DMD: variants seen among roughly 807,000 people sequenced by gnomAD.
DMD encodes the protein mutant dystrophin.
DMD carries 63 observed loss-of-function variants against 330.1 expected under a neutral mutation model. That is an observed-to-expected ratio of 0.19 (90% CI 0.16 to 0.24). The LOEUF (loss-of-function observed/expected upper bound fraction) is 0.24. Ranked by LOEUF, DMD falls within the 10% of genes least tolerant of loss-of-function variation. The probability of loss-of-function intolerance (pLI) is 1.00; values close to 1 mark genes in which losing one functional copy is unlikely to be tolerated. For synonymous variants in DMD, 1,223 were observed against 959.8 expected (o/e 1.27, Z -5.07); for missense variants, 3,344 against 2,684.1 (o/e 1.25, Z -5.43).
intron 11 of DMD, among the ~76,000 whole-genome samples, chrX:32,618,447 T>G (rs992663757): frequency 9.0e-6 from 1 of 111,114 alleles, no homozygotes; most frequent in East Asian, 2.8e-4. Flanking sequence ...CACTTATAAG[T>G]GGGAGCTAAA....
At chrX:33,076,258 C>G (rs1286613185) in intron 1 of DMD, among the ~76,000 whole-genome samples, 1 of 111,486 alleles carries the variant, frequency 9.0e-6, no homozygotes, top group Non-Finnish European at 1.9e-5. Flanking sequence ...AAACCCTGGT[C>G]CCCAAATGCT....
intron 7 of DMD, among the ~76,000 whole-genome samples, chrX:32,739,217 T>G (rs764393935): frequency 8.9e-6 from 1 of 111,993 alleles, no homozygotes; most frequent in South Asian, 3.7e-4. Context: ...AAGGTTAGTT[T>G]TGACCCAGGC....
At chrX:32,181,970 A>G (rs1044687181) in intron 44 of DMD, among the ~76,000 whole-genome samples, 4 of 112,231 alleles carry the variant, frequency 3.6e-5, no homozygotes, top group Non-Finnish European at 1.9e-5. Flanking sequence ...TAAATTGGGA[A>G]TTAAGTTGCA....
intron 44 of DMD, among the ~76,000 whole-genome samples, chrX:32,042,180 T>C (rs1342082123): frequency 2.2e-5 from 1 of 44,992 alleles, no homozygotes; most frequent in Non-Finnish European, 4.2e-5. Context: ...TATACATATA[T>C]ACATACATAT....
At chrX:33,315,925 A>G (rs1004304558) in intron 1 of DMD, among the ~76,000 whole-genome samples, 3 of 111,229 alleles carry the variant, frequency 2.7e-5, no homozygotes, top group Non-Finnish European at 5.7e-5. Context: ...TATTGTCAAA[A>G]AAGCTTGGAA....
rs3083093 is a variant in DMD at position 32,948,113 on chromosome X, G to GACACACACACACACACACAC, written c.93+72006_93+72025dup. 8.3e-4 allele frequency among the ~76,000 whole-genome samples: 80 copies of GACACACACACACACACACAC among 95,975 alleles called. 2 individuals carry two copies. In the East Asian group the frequency reaches 0.013, roughly 16 times the overall value. The allele number at this position is 95,975 out of a possible 115,157, so 83.3% of individuals were successfully genotyped here. A position where few individuals can be genotyped will look rare whatever the true frequency, so the allele number is the denominator to read the frequency against. On this transcript the variant is annotated intron_variant, in intron 2 of 78. Transcript: ENST00000357033. The stretch of plus-strand genomic sequence containing the variant: ...CTCAAAATTGACAGTGAGAGAAACA[G>GACACACACACACACACACAC]ACACACACACACACACACACACACA...
intron 41 of DMD, among the ~76,000 whole-genome samples, chrX:32,320,123 T>G (rs2097604627): frequency 9.0e-6 from 1 of 111,212 alleles, no homozygotes; most frequent in Admixed American, 9.7e-5. Context: ...ATATCGCTTT[T>G]AACTTCTGTT....
chrX:31,529,336 G>A (rs1048061067), intron 55 of DMD, among the ~76,000 whole-genome samples: 55 of 110,935 alleles, frequency 5.0e-4, no homozygotes, highest in Admixed American at 2.1e-3. Flanking sequence ...AGTGAGCTAT[G>A]ATCATGCCAC....
chrX:32,433,058 C>A (rs1292031901), intron 29 of DMD, among the ~76,000 whole-genome samples: 1 of 112,304 alleles, frequency 8.9e-6, no homozygotes, highest in Non-Finnish European at 1.9e-5. Context: ...AATCACTCAT[C>A]AAGAGAAGTG....
intron 52 of DMD, among the ~76,000 whole-genome samples, chrX:31,721,668 ATCTCTCTCTCTCTCTCACTCTCTCTC>A (rs1359617695): frequency 9.2e-5 from 3 of 32,493 alleles, no homozygotes; most frequent in African/African-American, 2.0e-4. Context: ...ATTATTACCA[ATCTCTCTCTCTCTCTCACTCTCTCTC>A]TCTCTCTCTC....
intron 62 of DMD, among the ~76,000 whole-genome samples, chrX:31,284,569 C>CTTTCTTCT (rs1464472281): frequency 3.2e-5 from 2 of 61,720 alleles, no homozygotes; most frequent in African/African-American, 1.3e-4. Context: ...TCTTCTTCTT[C>CTTTCTTCT]TTCTTCTTCT....
intron 1 of DMD, among the ~76,000 whole-genome samples, chrX:33,120,878 CAAAAAAAAAAAAAAA>C (rs1171070469): frequency 2.5e-4 from 9 of 36,699 alleles, no homozygotes; most frequent in Non-Finnish European, 3.8e-4. Context: ...ATGACTCTCT[CAAAAAAAAAAAAAAA>C]AAAAAAAAAA....
intron 44 of DMD, among the ~76,000 whole-genome samples, chrX:32,175,860 G>A (rs1315811739): frequency 8.9e-6 from 1 of 111,864 alleles, no homozygotes; most frequent in Admixed American, 9.5e-5. Context: ...CATTACTACG[G>A]AGGGAGGTGA....
At chrX:31,321,711 G>A (rs1294487370) in intron 62 of DMD, among the ~76,000 whole-genome samples, 1 of 108,974 alleles carries the variant, frequency 9.2e-6, no homozygotes, top group African/African-American at 3.3e-5. Flanking sequence ...TAAAATTGAA[G>A]TTTTCTTATT....
intron 2 of DMD, among the ~76,000 whole-genome samples, chrX:32,860,071 G>A (rs186339842): frequency 3.6e-5 from 4 of 111,967 alleles, no homozygotes; most frequent in East Asian, 5.6e-4. Context: ...AAACGAGACA[G>A]TATTCCTTCC....
At chrX:31,200,157 G>T (rs1292590933) in intron 67 of DMD, among the ~76,000 whole-genome samples, 1 of 112,228 alleles carries the variant, frequency 8.9e-6, no homozygotes, top group Non-Finnish European at 1.9e-5. Flanking sequence ...ACTAGCATCT[G>T]ATTAGAAATA....
intron 7 of DMD, among the ~76,000 whole-genome samples, chrX:32,720,519 C>G (rs1389397725): frequency 8.9e-6 from 1 of 111,830 alleles, no homozygotes; most frequent in African/African-American, 3.2e-5. Context: ...TTAGAAACTA[C>G]TTAAATAGGT....
At chrX:32,044,239 A>G (rs1327180100) in intron 44 of DMD, among the ~76,000 whole-genome samples, 2 of 110,829 alleles carry the variant, frequency 1.8e-5, no homozygotes, top group Non-Finnish European at 3.8e-5. Context: ...CACACACCAA[A>G]CATATAATCA....
chrX:32,773,247 A>T (rs564822983), intron 7 of DMD, among the ~76,000 whole-genome samples: 3 of 111,373 alleles, frequency 2.7e-5, no homozygotes, highest in African/African-American at 9.8e-5. Flanking sequence ...CAATTATTAG[A>T]TGAGGTTCAT....
Sources: gnomAD v4.1 joint callset for allele counts (sites outside exome capture counted in the v4.1 genomes callset) on GRCh38, gnomAD v4.1.1 for gene constraint, MANE v1.5 for transcripts, NCBI Gene and HGNC (gene_info 2026-07-23, HGNC 2026-07-21) for gene names.